The following NCALD variants were observed in gnomAD, a reference collection of about 807,000 sequenced individuals.
The protein encoded by NCALD is neurocalcin delta, also known as neurocalcin-delta.
NCALD carries 10 observed loss-of-function variants against 18.6 expected under a neutral mutation model. The ratio of observed to expected loss-of-function variants is 0.54; its 90% CI spans 0.33 to 0.91. The LOEUF is 0.91. NCALD is among the 40% of genes least tolerant of loss of function. The probability of loss-of-function intolerance (pLI) is 0.03; values close to 1 mark genes in which losing one functional copy is unlikely to be tolerated. For missense variants in NCALD, 184 were observed against 247.6 expected, an observed-to-expected ratio of 0.74 and a Z score of 1.72; for synonymous variants, 88 against 87.4, an observed-to-expected ratio of 1.01 and a Z score of -0.04.
chr8:102,065,888 G>A (rs1823993185), intron 1 of NCALD, among the ~76,000 whole-genome samples: 1 of 152,158 alleles, frequency 6.6e-6, no homozygotes, highest in African/African-American at 2.4e-5. Context: ...AGACAAGAGT[G>A]GGTTGTGGGT....
chr8:101,735,207 G>A (rs1817021641), intron 1 of NCALD, among the ~76,000 whole-genome samples: 1 of 152,200 alleles, frequency 6.6e-6, no homozygotes, highest in Admixed American at 6.5e-5. Context: ...TTATGTCTGT[G>A]ATTACCAGCA....
At chr8:101,867,649 T>C (rs532740305) in intron 4 of NCALD, among the ~76,000 whole-genome samples, 2 of 152,352 alleles carry the variant, frequency 1.3e-5, no homozygotes, top group South Asian at 2.1e-4. Flanking sequence ...AAATTTATCA[T>C]GGAAAAGGGT....
At chr8:102,111,289 G>A (rs934510759) in intron 1 of NCALD, among the ~76,000 whole-genome samples, 1 of 152,174 alleles carries the variant, frequency 6.6e-6, no homozygotes, top group Non-Finnish European at 1.5e-5. Context: ...CTTTGGCCTG[G>A]CATGGAAATG....
At chr8:102,046,893 C>T (rs770330854) in intron 1 of NCALD, among the ~76,000 whole-genome samples, 6 of 150,740 alleles carry the variant, frequency 4.0e-5, no homozygotes, top group Non-Finnish European at 8.8e-5. Flanking sequence ...TCCTGAGGGT[C>T]TGTTGTACAC....
chr8:101,736,633 G>A (rs1417835032), intron 1 of NCALD, among the ~76,000 whole-genome samples: 1 of 152,124 alleles, frequency 6.6e-6, no homozygotes, highest in Non-Finnish European at 1.5e-5. Flanking sequence ...CGTGGTGAGT[G>A]GAAATGGTAG....
intron 1 of NCALD, among the ~76,000 whole-genome samples, chr8:101,756,401 C>T (rs1810881298): frequency 1.3e-5 from 2 of 152,124 alleles, no homozygotes; most frequent in Non-Finnish European, 2.9e-5. Flanking sequence ...GCACGACCAG[C>T]TAGGATTCCC....
At chr8:102,065,310 C>T (rs1237948955) in intron 1 of NCALD, among the ~76,000 whole-genome samples, 1 of 151,890 alleles carries the variant, frequency 6.6e-6, no homozygotes, top group African/African-American at 2.4e-5. Flanking sequence ...GCAGGCGCCA[C>T]CACCCAAGGA....
intron 1 of NCALD, among the ~76,000 whole-genome samples, chr8:101,719,985 A>T (rs1350876042): frequency 6.6e-6 from 1 of 152,216 alleles, no homozygotes; most frequent in Non-Finnish European, 1.5e-5. Flanking sequence ...GTTAATTTTG[A>T]CATCAATTTG....
rs968468056 is a variant in NCALD at position 101,686,585 on chromosome 8, C to T, written c.*2724G>A. The T allele has an allele frequency of 6.6e-6, 1 of 152,534 alleles. No homozygotes were observed. The highest frequency in any genetic ancestry group is 1.5e-5 in the Non-Finnish European group (1 of 68,032). The allele number at this position is 152,534 out of a possible 1,614,324, so 9.4% of individuals were successfully genotyped here. A position where few individuals can be genotyped will look rare whatever the true frequency, so the allele number is the denominator to read the frequency against. ...ATGCTTTAATGCCAGGCAAGAGCTACACAGTCAACTGATTTACGGGCCACT... is the reference window on the plus strand; with the variant it reads ...ATGCTTTAATGCCAGGCAAGAGCTATACAGTCAACTGATTTACGGGCCACT... On this transcript the variant is annotated 3_prime_UTR_variant, in exon 4 of 4. Coordinates refer to ENST00000220931, the MANE Select transcript of NCALD (RefSeq NM_032041.3).
intron 1 of NCALD, among the ~76,000 whole-genome samples, chr8:101,746,368 A>G (rs1433347107): frequency 1.3e-5 from 2 of 152,222 alleles, no homozygotes; most frequent in Non-Finnish European, 1.5e-5. Flanking sequence ...GGACCAAATG[A>G]GGTACTGCAT....
intron 1 of NCALD, among the ~76,000 whole-genome samples, chr8:101,790,364 GTTTCAGTTATAATGTTATT>G (rs556810869): frequency 4.7e-4 from 72 of 152,256 alleles, no homozygotes; most frequent in Admixed American, 4.4e-3. Context: ...CCCAACTTTT[GTTTCAGTTATAATGTTATT>G]TCCCGTGGTT....
rs1018372528 is a variant in NCALD at position 102,014,893 on chromosome 8, T to C, written c.-157+5344A>G. Among the ~76,000 whole-genome samples, 28 of 152,192 alleles carry C rather than the reference T, an allele frequency of 1.8e-4. 1 individual carries two copies. The highest frequency in any genetic ancestry group is 6.5e-4 in the African/African-American group (27 of 41,448). On this transcript the variant is annotated intron_variant, in intron 2 of 6. Transcript: ENST00000311028. ...TCGGGGATCTTGTTCAAATGCAGAT[T>C]CTGATTCATCAGGTCTGAGATGGGA...
chr8:101,796,840 T>C (rs1414786737), intron 4 of NCALD, among the ~76,000 whole-genome samples: 1 of 151,862 alleles, frequency 6.6e-6, no homozygotes, highest in East Asian at 1.9e-4. Flanking sequence ...GAAAGGAAAA[T>C]TCAAGCTGGA....
intron 1 of NCALD, among the ~76,000 whole-genome samples, chr8:101,752,546 C>A (rs1262473104): frequency 6.6e-6 from 1 of 152,152 alleles, no homozygotes; most frequent in Non-Finnish European, 1.5e-5. Flanking sequence ...CAAAAGATAA[C>A]CTATGTATCA....
chr8:102,003,024 G>A (rs376703031), intron 2 of NCALD, among the ~76,000 whole-genome samples: 6 of 151,982 alleles, frequency 3.9e-5, no homozygotes, highest in African/African-American at 1.4e-4. Context: ...AAGTAACTAA[G>A]ATCAGAGCAG....
chr8:101,738,743 G>A (rs1810047202), intron 1 of NCALD, among the ~76,000 whole-genome samples: 1 of 152,184 alleles, frequency 6.6e-6, no homozygotes, highest in Non-Finnish European at 1.5e-5. Context: ...CCTCGTGGCT[G>A]TGTGACCCTG....
At chr8:101,818,732 G>A (rs1336512753) in intron 4 of NCALD, among the ~76,000 whole-genome samples, 1 of 152,080 alleles carries the variant, frequency 6.6e-6, no homozygotes, top group Non-Finnish European at 1.5e-5. Context: ...AGGGCCAGAC[G>A]CAGCGGCTCA....
At chr8:101,816,502 T>G (rs1813502403) in intron 4 of NCALD, among the ~76,000 whole-genome samples, 1 of 152,114 alleles carries the variant, frequency 6.6e-6, no homozygotes, top group South Asian at 2.1e-4. Flanking sequence ...TTTTTCACAA[T>G]TGCCTGTCTT....
In NCALD at chr8:101,715,003, C is replaced by CAAAA. The variant is rs1297532566; in HGVS notation, c.378+4245_378+4248dup. On this transcript the variant is annotated intron_variant, in intron 2 of 3. Coordinates refer to ENST00000220931, the MANE Select transcript of NCALD (RefSeq NM_032041.3). ...TGGGCGACAGAGCGAGACTCCGTCTCAAAAAAAAAAAAAGAACAAAGCTGG... is the reference window on the plus strand; with the variant it reads ...TGGGCGACAGAGCGAGACTCCGTCTCAAAAAAAAAAAAAAAAAGAACAAAGCTGG... 4.2e-4 allele frequency among the ~76,000 whole-genome samples: 43 copies of CAAAA among 103,228 alleles called. 3 individuals carry two copies. Among genetic ancestry groups the CAAAA allele is most frequent in the African/African-American group, 1.7e-3 (41 of 23,648 alleles). The allele number at this position is 103,228 out of a possible 152,430, so 67.7% of individuals were successfully genotyped here. A position where few individuals can be genotyped will look rare whatever the true frequency, so the allele number is the denominator to read the frequency against.
Sources: gnomAD v4.1 joint callset for allele counts (sites outside exome capture counted in the v4.1 genomes callset) on GRCh38, gnomAD v4.1.1 for gene constraint, MANE v1.5 for transcripts, NCBI Gene and HGNC (gene_info 2026-07-23, HGNC 2026-07-21) for gene names.